Variants in TEX11 observed in about 807,000 individuals in gnomAD.
TEX11 encodes the protein testis-expressed protein 11.
In TEX11, 7 loss-of-function variants were observed where a neutral mutation model predicts 84.4. The ratio of observed to expected loss-of-function variants is 0.08; its 90% confidence interval spans 0.05 to 0.16. The LOEUF (loss-of-function observed/expected upper bound fraction) is 0.16, where lower values mean the gene tolerates loss of function less well. TEX11 is among the 10% of genes least tolerant of loss of function. The pLI is 1.00. For synonymous variants in TEX11, 264 were observed against 222.8 expected (o/e 1.18, Z -1.64); for missense variants, 551 against 660.5 (o/e 0.83, Z 1.82).
At chrX:70,780,544 C>A in intron 9 of TEX11, among the ~76,000 whole-genome samples, 1 of 112,072 alleles carries the variant, frequency 8.9e-6, no homozygotes, top group Non-Finnish European at 1.9e-5. Context: ...GAGGACTTCC[C>A]TTTCCTAGCC....
intron 9 of TEX11, among the ~76,000 whole-genome samples, chrX:70,777,791 T>TAA (rs895594232): frequency 9.5e-6 from 1 of 104,792 alleles, no homozygotes; most frequent in Non-Finnish European, 2.0e-5. Flanking sequence ...CATACCACTA[T>TAA]AAAAAAAAAA....
the TEX11 span, among the ~76,000 whole-genome samples, chrX:70,521,757 A>T: frequency 8.9e-6 from 1 of 112,299 alleles, no homozygotes; most frequent in African/African-American, 3.2e-5. Context: ...TAGACATAGT[A>T]AGGTATTTTG....
chrX:70,721,739 T>C (rs754489041), intron 13 of TEX11, among the ~76,000 whole-genome samples: 3 of 111,984 alleles, frequency 2.7e-5, no homozygotes, highest in African/African-American at 9.7e-5. Context: ...ACGGCTACTT[T>C]TGCACCACGA....
intron 2 of TEX11, among the ~76,000 whole-genome samples, chrX:70,902,573 A>G (rs1265176006): frequency 9.0e-6 from 1 of 111,254 alleles, no homozygotes. Context: ...TGGGGCTGCA[A>G]TGCAGTGGTG....
intron 8 of TEX11, among the ~76,000 whole-genome samples, chrX:70,828,785 A>G (rs2147828731): frequency 9.0e-6 from 1 of 111,454 alleles, no homozygotes; most frequent in South Asian, 3.8e-4. Context: ...AGAACACCTC[A>G]AGGCATTTAA....
chrX:70,737,908 C>T (rs2090707826), intron 11 of TEX11, among the ~76,000 whole-genome samples: 1 of 111,352 alleles, frequency 9.0e-6, no homozygotes, highest in African/African-American at 3.3e-5. Context: ...ATGCAGAAAA[C>T]AGAAACTGGA....
chrX:70,889,403 G>A (rs2091726133), intron 2 of TEX11, among the ~76,000 whole-genome samples: 1 of 109,533 alleles, frequency 9.1e-6, no homozygotes, highest in African/African-American at 3.3e-5. Flanking sequence ...GGAGACAAGA[G>A]TGAGACTCCA....
intron 13 of TEX11, among the ~76,000 whole-genome samples, chrX:70,709,677 A>G (rs2090408613): frequency 9.0e-6 from 1 of 111,432 alleles, no homozygotes; most frequent in Non-Finnish European, 1.9e-5. Flanking sequence ...TGTAGAATCT[A>G]GATAGCTCTG....
intron 25 of TEX11, among the ~76,000 whole-genome samples, chrX:70,588,944 A>G (rs896471108): frequency 9.1e-6 from 1 of 109,729 alleles, no homozygotes; most frequent in Non-Finnish European, 1.9e-5. Flanking sequence ...AAAAAAAAAA[A>G]AAAGAAAGAA....
chrX:70,752,720 C>T (rs935313436), intron 9 of TEX11, among the ~76,000 whole-genome samples: 3 of 109,824 alleles, frequency 2.7e-5, no homozygotes, highest in African/African-American at 9.9e-5. Flanking sequence ...ACTATCTACA[C>T]AAAAAAATCA....
chrX:70,687,165 G>C (rs2090196015), intron 13 of TEX11, among the ~76,000 whole-genome samples: 1 of 110,503 alleles, frequency 9.0e-6, no homozygotes, highest in Non-Finnish European at 1.9e-5. Context: ...TTCACACACA[G>C]AGACACACAC....
At chrX:70,555,485 T>G (rs2088274406) in intron 25 of TEX11, among the ~76,000 whole-genome samples, 1 of 112,483 alleles carries the variant, frequency 8.9e-6, no homozygotes, top group South Asian at 3.6e-4. Flanking sequence ...GTGTAATAAC[T>G]ACCTAGATTG....
intron 4 of TEX11, among the ~76,000 whole-genome samples, chrX:70,870,754 C>G (rs370416024): frequency 8.9e-6 from 1 of 112,004 alleles, no homozygotes; most frequent in East Asian, 2.8e-4. Flanking sequence ...TCTCTCAATA[C>G]CACTGATTCT....
intron 13 of TEX11, among the ~76,000 whole-genome samples, chrX:70,721,736 C>CT (rs1162264095): frequency 8.9e-6 from 1 of 111,958 alleles, no homozygotes; most frequent in Non-Finnish European, 1.9e-5. Flanking sequence ...TCTACGGCTA[C>CT]TTTTGCACCA....
intron 17 of TEX11, among the ~76,000 whole-genome samples, chrX:70,639,496 C>G (rs1045625738): frequency 8.9e-6 from 1 of 112,286 alleles, no homozygotes; most frequent in African/African-American, 3.2e-5. Context: ...ACAGCAGTAA[C>G]CTCTGCAGAC....
chrX:70,624,372 C>A (rs1056289250), intron 19 of TEX11, among the ~76,000 whole-genome samples: 1 of 111,565 alleles, frequency 9.0e-6, no homozygotes, highest in Admixed American at 9.5e-5. Flanking sequence ...CTAGAACTGG[C>A]CTTTGGGTCT....
downstream of TEX11, among the ~76,000 whole-genome samples, chrX:70,524,401 G>A (rs6525372): frequency 0.3 from 32,899 of 111,433 alleles, 5,908 homozygotes; most frequent in African/African-American, 0.67. Flanking sequence ...GTGTTTTATC[G>A]TATACTTGGT....
chrX:70,610,667 G>T, intron 20 of TEX11, 124 bp from the exon 21 acceptor site: 1 of 605,724 alleles, frequency 1.7e-6, no homozygotes, highest in Non-Finnish European at 2.6e-6. Flanking sequence ...GAAGTTTTTT[G>T]CTCAGGACTC....
Position 70,553,430 on chromosome X carries a change from GA to G in TEX11, c.2291-17del. On this transcript the variant is annotated splice_polypyrimidine_tract_variant and intron_variant, in intron 26 of 29. Transcript: ENST00000374333. ...ATTGCTATTACTAGAGTAAGAAAAG[GA>G]AAAAGGTTGTGAACATGATAATGTC... 1 of 1,112,254 alleles carries G rather than the reference GA, an allele frequency of 9.0e-7. No individual in the cohort carries two copies. The highest frequency in any genetic ancestry group is 2.4e-5 in the Admixed American group (1 of 40,934). 91.7% of individuals were successfully genotyped at this position (1,112,254 alleles called of 1,213,427 possible).
Sources: allele counts gnomAD v4.1 joint callset (sites outside exome capture counted in the v4.1 genomes callset), GRCh38; gene constraint gnomAD v4.1.1; transcripts MANE v1.5; gene names NCBI Gene and HGNC (gene_info 2026-07-23, HGNC 2026-07-21).